TNFSF4: variants seen among roughly 807,000 people sequenced by gnomAD.
TNFSF4 encodes the protein TNF superfamily member 4.
Under a neutral mutation model 7.3 loss-of-function variants are expected in TNFSF4, and 4 were observed. The ratio of observed to expected loss-of-function variants is 0.55; its 90% CI spans 0.27 to 1.25. The LOEUF (loss-of-function observed/expected upper bound fraction) is 1.25, where lower values mean the gene tolerates loss of function less well. Ranked by LOEUF, TNFSF4 falls within the 50% of genes most tolerant of loss-of-function variation. The pLI is 0.12. For synonymous variants in TNFSF4, 76 were observed against 83.7 expected (o/e 0.91, Z 0.50); for missense variants, 181 against 208.8 (o/e 0.87, Z 0.82).
At chr1:173,357,727 T>C in the TNFSF4 span, among the ~76,000 whole-genome samples, 1 of 151,540 alleles carries the variant, frequency 6.6e-6, no homozygotes, top group Non-Finnish European at 1.5e-5. Context: ...AGAAGGGGGG[T>C]TTCTCCATGT....
chr1:173,306,109 T>C, the TNFSF4 span, among the ~76,000 whole-genome samples: 1 of 151,700 alleles, frequency 6.6e-6, no homozygotes, highest in Non-Finnish European at 1.5e-5. Context: ...CTCAGTGGCA[T>C]CTTATAATCA....
At chr1:173,417,773 A>C in the TNFSF4 span, 32 of 152,318 alleles carry the variant, frequency 2.1e-4, no homozygotes, top group African/African-American at 7.2e-4. Context: ...TTCAGGAAGA[A>C]AGCTACAGGC....
chr1:173,240,843 A>T, the TNFSF4 span, among the ~76,000 whole-genome samples: 2 of 152,336 alleles, frequency 1.3e-5, no homozygotes, highest in African/African-American at 4.8e-5. Flanking sequence ...ACTTGATATT[A>T]TCTGACTTTC....
chr1:173,317,962 T>C, the TNFSF4 span, among the ~76,000 whole-genome samples: 4 of 152,198 alleles, frequency 2.6e-5, no homozygotes, highest in African/African-American at 4.8e-5. Context: ...CTGGTAAATG[T>C]CATCAGGATA....
the TNFSF4 span, among the ~76,000 whole-genome samples, chr1:173,370,723 A>G: frequency 6.6e-6 from 1 of 152,046 alleles, no homozygotes; most frequent in Non-Finnish European, 1.5e-5. Context: ...ACCTGGCAAC[A>G]TCAGTATTCT....
chr1:173,386,126 C>T, the TNFSF4 span, among the ~76,000 whole-genome samples: 2 of 152,190 alleles, frequency 1.3e-5, no homozygotes, highest in African/African-American at 2.4e-5. Context: ...ACCGTGAAGG[C>T]AGAACAGTGG....
At chr1:173,215,622 AAC>A in the TNFSF4 span, among the ~76,000 whole-genome samples, 1 of 152,230 alleles carries the variant, frequency 6.6e-6, no homozygotes, top group African/African-American at 2.4e-5. Flanking sequence ...AAAACAAACA[AAC>A]AAAAAACCTG....
At chr1:173,384,500 G>A in the TNFSF4 span, among the ~76,000 whole-genome samples, 2 of 151,920 alleles carry the variant, frequency 1.3e-5, no homozygotes, top group African/African-American at 4.8e-5. Flanking sequence ...TTTATAAAAA[G>A]CACCAAATTC....
the TNFSF4 span, among the ~76,000 whole-genome samples, chr1:173,322,473 C>T: frequency 7.2e-5 from 11 of 152,072 alleles, no homozygotes; most frequent in Admixed American, 2.0e-4. Context: ...ATACAGAAGA[C>T]GGTGATTTCT....
the TNFSF4 span, among the ~76,000 whole-genome samples, chr1:173,314,863 C>T: frequency 1.3e-5 from 2 of 152,080 alleles, no homozygotes; most frequent in East Asian, 1.9e-4. Flanking sequence ...GTCAAAGCCA[C>T]ACTCTCCCAA....
the TNFSF4 span, among the ~76,000 whole-genome samples, chr1:173,238,714 ACCAGTC>A: frequency 6.6e-6 from 1 of 152,186 alleles, no homozygotes; most frequent in Non-Finnish European, 1.5e-5. Context: ...CCCATGTTAC[ACCAGTC>A]AGAATGGCTA....
At chr1:173,177,786 T>G in the TNFSF4 span, among the ~76,000 whole-genome samples, 84 of 152,142 alleles carry the variant, frequency 5.5e-4, no homozygotes, top group Non-Finnish European at 1.0e-3. Context: ...AAAAAACAAC[T>G]TGCATCAAAT....
the TNFSF4 span, among the ~76,000 whole-genome samples, chr1:173,448,307 A>AC: frequency 6.6e-6 from 1 of 152,202 alleles, no homozygotes; most frequent in East Asian, 1.9e-4. Context: ...AAGGTAGAAA[A>AC]CTTTTTTTTT....
At chr1:173,346,410 G>C in the TNFSF4 span, among the ~76,000 whole-genome samples, 2,124 of 152,184 alleles carry the variant, frequency 0.014, 21 homozygotes, top group Non-Finnish European at 0.022. Context: ...TCCCATAAAG[G>C]AGAGGTCTAA....
the TNFSF4 span, among the ~76,000 whole-genome samples, chr1:173,373,553 A>G: frequency 6.6e-6 from 1 of 152,238 alleles, no homozygotes; most frequent in Non-Finnish European, 1.5e-5. Context: ...ACACGGGTAT[A>G]GAGAACACTC....
chr1:173,261,558 T>G, the TNFSF4 span, among the ~76,000 whole-genome samples: 1 of 151,806 alleles, frequency 6.6e-6, no homozygotes, highest in Admixed American at 6.6e-5. Context: ...TTGGAAAAAC[T>G]TAATAAAATA....
chr1:173,192,564 G>C (rs1347053043), intron 1 of TNFSF4, among the ~76,000 whole-genome samples: 1 of 152,170 alleles, frequency 6.6e-6, no homozygotes, highest in African/African-American at 2.4e-5. Context: ...AGGAATGGGG[G>C]AGGAATAAAC....
the TNFSF4 span, among the ~76,000 whole-genome samples, chr1:173,264,103 C>A: frequency 1.3e-5 from 2 of 152,070 alleles, no homozygotes; most frequent in African/African-American, 4.8e-5. Flanking sequence ...ATATAATAAA[C>A]CTGCACATGT....
the TNFSF4 span, among the ~76,000 whole-genome samples, chr1:173,175,879 T>G: frequency 6.6e-6 from 1 of 152,130 alleles, no homozygotes; most frequent in Non-Finnish European, 1.5e-5. Context: ...ATGAGTTCCA[T>G]TTTCAATTGA....
Sources: gnomAD v4.1 joint callset for allele counts (sites outside exome capture counted in the v4.1 genomes callset) on GRCh38, gnomAD v4.1.1 for gene constraint, MANE v1.5 for transcripts, NCBI Gene and HGNC (gene_info 2026-07-23, HGNC 2026-07-21) for gene names.